RGL1: variants seen among roughly 807,000 people sequenced by gnomAD.
The protein encoded by RGL1 is ral guanine nucleotide dissociation stimulator like 1, also known as ral guanine nucleotide dissociation stimulator-like 1.
In RGL1, 24 loss-of-function variants were observed where a neutral mutation model predicts 95.2. The ratio of observed to expected loss-of-function variants is 0.25; its 90% CI spans 0.18 to 0.35. The LOEUF (loss-of-function observed/expected upper bound fraction) is 0.35. Ranked by LOEUF, RGL1 falls within the 10% of genes least tolerant of loss-of-function variation. The pLI is 1.00. For synonymous variants in RGL1, 329 were observed against 344.9 expected, an observed-to-expected ratio of 0.95 and a Z score of 0.51; for missense variants, 715 against 936.3, an observed-to-expected ratio of 0.76 and a Z score of 3.08.
intron 16 of RGL1, 40 bp downstream of exon 16, chr1:183,916,741 A>G (rs1339746189): frequency 1.3e-6 from 2 of 1,594,514 alleles, no homozygotes; most frequent in African/African-American, 2.7e-5. Context: ...GTTTCCATTT[A>G]GATTGTGTGT....
chr1:183,683,586 T>C (rs10911405), intron 1 of RGL1, among the ~76,000 whole-genome samples: 12,326 of 152,194 alleles, frequency 0.081, 921 homozygotes, highest in African/African-American at 0.2. Flanking sequence ...TTCTTTCTGG[T>C]TGCCCTTAAA....
chr1:183,716,866 T>C (rs1558169227), intron 1 of RGL1, among the ~76,000 whole-genome samples: 1 of 152,250 alleles, frequency 6.6e-6, no homozygotes, highest in Non-Finnish European at 1.5e-5. Context: ...CAGCTAGTTC[T>C]TTGCCTGGAT....
At chr1:183,859,259 A>G (rs1346358781) in intron 3 of RGL1, among the ~76,000 whole-genome samples, 1 of 152,242 alleles carries the variant, frequency 6.6e-6, no homozygotes, top group African/African-American at 2.4e-5. Context: ...AAAGAAACGG[A>G]TGACAGAGGC....
At chr1:183,758,069 C>T (rs1327742861) in intron 2 of RGL1, among the ~76,000 whole-genome samples, 1 of 152,212 alleles carries the variant, frequency 6.6e-6, no homozygotes, top group Admixed American at 6.5e-5. Context: ...AATCTTCTTC[C>T]ATTCCTCAAA....
At chr1:183,883,249 A>G (rs1470017085) in intron 5 of RGL1, among the ~76,000 whole-genome samples, 3 of 152,174 alleles carry the variant, frequency 2.0e-5, no homozygotes, top group African/African-American at 4.8e-5. Context: ...TGCTTCATGC[A>G]TTCTTAGCTT....
In RGL1 at chr1:183,866,088, T is replaced by C. The variant is rs557040067; in HGVS notation, c.425+15T>C. 2.1e-5 allele frequency: 33 copies of C among 1,584,522 alleles called. No individual in the cohort carries two copies. In the Admixed American group the frequency reaches 2.7e-4, roughly 13 times the overall value. Reference sequence around the variant, plus strand: ...GTGATCAGGAAGTGAGTCTCCCTTTTCTTTGCATTCTAAGCTCTCAGTCAA... The same window carrying C: ...GTGATCAGGAAGTGAGTCTCCCTTTCCTTTGCATTCTAAGCTCTCAGTCAA... On this transcript the variant is annotated intron_variant, in intron 4 of 17. Coordinates refer to ENST00000360851, the MANE Select transcript of RGL1 (RefSeq NM_001297671.3).
chr1:183,848,745 A>G (rs974380796), intron 3 of RGL1, among the ~76,000 whole-genome samples: 1 of 152,220 alleles, frequency 6.6e-6, no homozygotes, highest in African/African-American at 2.4e-5. Flanking sequence ...TAGACCATCA[A>G]CTAGGCAAAT....
chr1:183,662,578 A>T (rs1389079184), intron 1 of RGL1, among the ~76,000 whole-genome samples: 1 of 152,184 alleles, frequency 6.6e-6, no homozygotes, highest in Non-Finnish European at 1.5e-5. Flanking sequence ...AAACAAATGG[A>T]AGAACATTCC....
chr1:183,745,354 T>C (rs952121851), intron 2 of RGL1, among the ~76,000 whole-genome samples: 9 of 137,300 alleles, frequency 6.6e-5, no homozygotes, highest in Non-Finnish European at 8.1e-5. Flanking sequence ...AATTTATGTC[T>C]TCTTTTCTCC....
chr1:183,828,560 G>A (rs1000700474), intron 2 of RGL1, among the ~76,000 whole-genome samples: 11 of 152,152 alleles, frequency 7.2e-5, no homozygotes, highest in Admixed American at 1.3e-4. Flanking sequence ...TCTGTCTTTC[G>A]ACTCTTGGCT....
At chr1:183,820,133 A>G (rs905579391) in intron 2 of RGL1, among the ~76,000 whole-genome samples, 2 of 152,138 alleles carry the variant, frequency 1.3e-5, no homozygotes, top group African/African-American at 4.8e-5. Context: ...AAAATCATCT[A>G]TAATTCTGCC....
At chr1:183,758,342 G>A (rs1322118600) in intron 2 of RGL1, among the ~76,000 whole-genome samples, 3 of 151,980 alleles carry the variant, frequency 2.0e-5, no homozygotes, top group East Asian at 1.9e-4. Context: ...GACTACGGGC[G>A]CCTGCCACCA....
At chr1:183,650,522 G>A (rs1244374543) in intron 1 of RGL1, among the ~76,000 whole-genome samples, 1 of 152,118 alleles carries the variant, frequency 6.6e-6, no homozygotes, top group African/African-American at 2.4e-5. Flanking sequence ...CAGCCTGGGT[G>A]ACAGAGCGAG....
rs1435470654 is a variant in RGL1 at position 183,805,263 on chromosome 1, C to CA, written c.-34dup. 70 of 1,609,516 alleles carry CA rather than the reference C, an allele frequency of 4.3e-5. No individual in the cohort carries two copies. The highest frequency in any genetic ancestry group is 5.4e-5 in the Non-Finnish European group (64 of 1,178,560). ...GCGTTGGCCTCCGAGCAGGGCGCATCATGCAGCGTTCGCGCACCGGAGAGA... is the reference window on the plus strand; with the variant it reads ...GCGTTGGCCTCCGAGCAGGGCGCATCAATGCAGCGTTCGCGCACCGGAGAGA... On this transcript the variant is annotated 5_prime_UTR_variant, in exon 1 of 18. In the 5' UTR this introduces an upstream ATG that the reference lacks. Coordinates refer to ENST00000360851, the MANE Select transcript of RGL1 (RefSeq NM_001297671.3).
chr1:183,704,038 C>T (rs1189986125), intron 1 of RGL1, among the ~76,000 whole-genome samples: 1 of 152,188 alleles, frequency 6.6e-6, no homozygotes, highest in Non-Finnish European at 1.5e-5. Context: ...AGGTTTTGGG[C>T]TCAGAAGTCC....
intron 2 of RGL1, among the ~76,000 whole-genome samples, chr1:183,766,460 T>C (rs1658972345): frequency 6.6e-6 from 1 of 152,144 alleles, no homozygotes; most frequent in South Asian, 2.1e-4. Context: ...ACAAGGTCAA[T>C]CTTTCCTGAA....
intron 3 of RGL1, among the ~76,000 whole-genome samples, chr1:183,854,551 A>C (rs1014536857): frequency 6.6e-6 from 1 of 152,176 alleles, no homozygotes; most frequent in Non-Finnish European, 1.5e-5. Flanking sequence ...AGTTGATCAG[A>C]TATAAAGCTT....
At chr1:183,664,837 A>T (rs1651920938) in intron 1 of RGL1, among the ~76,000 whole-genome samples, 1 of 152,048 alleles carries the variant, frequency 6.6e-6, no homozygotes, top group Non-Finnish European at 1.5e-5. Context: ...CTGCAAACAA[A>T]GACAGTTTTA....
In RGL1 at chr1:183,680,651, G is replaced by A. The variant is rs550874855; in HGVS notation, c.-33+44150G>A. 1.4e-4 allele frequency among the ~76,000 whole-genome samples: 21 copies of A among 152,274 alleles called. No individual in the cohort carries two copies. In the South Asian group the frequency reaches 3.5e-3, roughly 26 times the overall value. ...GTTCTTTTTGCTTAGGATTGTCTTG[G>A]CTATACAGGCTCTTTTTTGGTTCCA... On this transcript the variant is annotated intron_variant, in intron 1 of 18. Transcript: ENST00000304685.
Sources: allele counts gnomAD v4.1 joint callset (sites outside exome capture counted in the v4.1 genomes callset), GRCh38; gene constraint gnomAD v4.1.1; transcripts MANE v1.5; gene names NCBI Gene and HGNC (gene_info 2026-07-23, HGNC 2026-07-21).